The following USP28 variants were observed in gnomAD, a reference collection of about 807,000 sequenced individuals.
The protein encoded by USP28 is ubiquitin specific peptidase 28.
In USP28, 113 loss-of-function variants were observed where a neutral mutation model predicts 145.0. The observed-to-expected ratio is 0.78, with a 90% confidence interval of 0.67 to 0.91. USP28 has a LOEUF of 0.91. Among genes scored for constraint, USP28 ranks in the 40% least tolerant of loss-of-function variants. The pLI is 0.00. For synonymous variants in USP28, 447 were observed against 450.9 expected, an observed-to-expected ratio of 0.99 and a Z score of 0.11; for missense variants, 1,201 against 1,289.6, an observed-to-expected ratio of 0.93 and a Z score of 1.05.
chr11:113,874,622 C>G, intron 1 of USP28: 1 of 1,288,246 alleles, frequency 7.8e-7, no homozygotes, highest in Non-Finnish European at 1.0e-6. Context: ...TGAAAAAGTG[C>G]AGTACTTGAG....
chr11:113,801,397 G>T, intron 24 of USP28, 86 bp downstream of exon 25: 1 of 1,083,346 alleles, frequency 9.2e-7, no homozygotes. Flanking sequence ...TCCTTAAAAA[G>T]GTTTGGCAAC....
chr11:113,833,627 A>C (rs994929191), intron 6 of USP28, 70 bp from the exon 7 acceptor site: 132 of 1,510,708 alleles, frequency 8.7e-5, no homozygotes, highest in Non-Finnish European at 1.2e-4. Flanking sequence ...AAAGAAAAAA[A>C]AGTTGTCAAT....
At chr11:113,816,320 C>T (rs551769315) in intron 13 of USP28, among the ~76,000 whole-genome samples, 13 of 152,152 alleles carry the variant, frequency 8.5e-5, no homozygotes, top group East Asian at 3.9e-4. Flanking sequence ...ATCGAGACCA[C>T]CCTGGCCAAC....
chr11:113,867,812 AGGG>A (rs1948437111), intron 1 of USP28, among the ~76,000 whole-genome samples: 2 of 43,402 alleles, frequency 4.6e-5, no homozygotes, highest in African/African-American at 1.9e-4. Flanking sequence ...GGGGGGAGGG[AGGG>A]AGGGAGGAAG....
At chr11:113,810,669 A>G (rs1940825445) in intron 16 of USP28, among the ~76,000 whole-genome samples, 1 of 152,146 alleles carries the variant, frequency 6.6e-6, no homozygotes, top group African/African-American at 2.4e-5. Flanking sequence ...GCCTGGACAG[A>G]ACACCTTACA....
intron 5 of USP28, chr11:113,835,253 C>T: frequency 2.2e-6 from 1 of 455,826 alleles, no homozygotes; most frequent in Non-Finnish European, 4.4e-6. Context: ...TATGAATATA[C>T]AACTCCTCAT....
At chr11:113,834,465 T>C in intron 5 of USP28, 130 bp from the exon 6 acceptor site, 1 of 593,740 alleles carries the variant, frequency 1.7e-6, no homozygotes, top group East Asian at 3.1e-5. Context: ...CAATTTGACT[T>C]ATGTTATTTC....
At chr11:113,837,062 T>G (rs549315713) in intron 5 of USP28, among the ~76,000 whole-genome samples, 1 of 152,230 alleles carries the variant, frequency 6.6e-6, no homozygotes, top group Non-Finnish European at 1.5e-5. Context: ...CAGTTAATAC[T>G]GCAACCTGTT....
chr11:113,847,765 A>C (rs1340213187), intron 3 of USP28, among the ~76,000 whole-genome samples: 1 of 152,246 alleles, frequency 6.6e-6, no homozygotes, highest in Non-Finnish European at 1.5e-5. Context: ...GTATATACAC[A>C]AAAGAACTGA....
intron 18 of USP28, among the ~76,000 whole-genome samples, chr11:113,807,049 T>C (rs945597824): frequency 6.6e-6 from 1 of 151,782 alleles, no homozygotes; most frequent in African/African-American, 2.4e-5. Flanking sequence ...CAAATATGAC[T>C]CCATAAAGTA....
Position 113,831,081 on chromosome 11 carries a change from C to G in USP28, c.834-138G>C, listed in dbSNP as rs13377293. On this transcript the variant is annotated intron_variant, in intron 8 of 24. Coordinates refer to ENST00000003302, the Ensembl canonical transcript of USP28. Reference sequence around the variant, plus strand: ...AGCCAGGTATGATCTAAATAAGTAACAATTAGTTCAGTTCAAATATTTATT... The same window carrying G: ...AGCCAGGTATGATCTAAATAAGTAAGAATTAGTTCAGTTCAAATATTTATT... The G allele has an allele frequency of 4.1e-3, 3,017 of 739,198 alleles. 63 individuals are homozygous for G. The African/African-American group carries it at 0.044, about 11-fold the overall frequency. 45.8% of individuals were successfully genotyped at this position (739,198 alleles called of 1,614,324 possible).
exon 5 of USP28, chr11:113,840,620 C>T (rs1361190576): frequency 1.9e-6 from 3 of 1,614,114 alleles, no homozygotes. Context: ...ACTAAACCAA[C>T]ATGTATTGCC....
intron 11 of USP28, among the ~76,000 whole-genome samples, 165 bp downstream of exon 11, chr11:113,827,068 T>TG (rs1943458970): frequency 6.6e-6 from 1 of 151,722 alleles, no homozygotes; most frequent in Non-Finnish European, 1.5e-5. Context: ...AGCACAACCC[T>TG]GGGAGGTCTC....
At chr11:113,854,304 T>C in exon 2 of USP28, 2 of 1,614,082 alleles carry the variant, frequency 1.2e-6, no homozygotes, top group Non-Finnish European at 1.7e-6. Flanking sequence ...GCCTGTGATT[T>C]CTCTCAGTTG....
chr11:113,810,331 T>C (rs1229226911), intron 16 of USP28, among the ~76,000 whole-genome samples: 1 of 152,164 alleles, frequency 6.6e-6, no homozygotes, highest in Non-Finnish European at 1.5e-5. Context: ...AGGATATCAA[T>C]GACATATAAA....
chr11:113,860,530 G>A (rs1340407532), intron 1 of USP28, among the ~76,000 whole-genome samples: 3 of 152,072 alleles, frequency 2.0e-5, no homozygotes, highest in African/African-American at 4.8e-5. Flanking sequence ...CAAAAACTCT[G>A]GCCAGGTGCA....
intron 1 of USP28, chr11:113,874,449 AGTGTCTCC>A: frequency 6.7e-5 from 57 of 856,376 alleles, no homozygotes; most frequent in East Asian, 5.5e-4. Context: ...AAAAAAAAAA[AGTGTCTCC>A]ATGCTAAATA....
intron 1 of USP28, among the ~76,000 whole-genome samples, chr11:113,864,896 C>T (rs1175990750): frequency 6.6e-6 from 1 of 152,128 alleles, no homozygotes; most frequent in Admixed American, 6.5e-5. Context: ...GTCTCTGTCA[C>T]CCAGGCTAGA....
chr11:113,851,448 T>TC (rs755903014), intron 3 of USP28, among the ~76,000 whole-genome samples: 2 of 152,044 alleles, frequency 1.3e-5, no homozygotes, highest in Non-Finnish European at 2.9e-5. Flanking sequence ...CAAGGTGCAC[T>TC]CCCATCTTAG....
Sources: allele counts gnomAD v4.1 joint callset (sites outside exome capture counted in the v4.1 genomes callset), GRCh38; gene constraint gnomAD v4.1.1; transcripts MANE v1.5; gene names NCBI Gene and HGNC (gene_info 2026-07-23, HGNC 2026-07-21).